The following LRRIQ1 variants were observed in gnomAD, a reference collection of about 807,000 sequenced individuals.
The protein encoded by LRRIQ1 is leucine rich repeats and IQ motif containing 1.
A neutral mutation model predicts 211.9 loss-of-function variants in LRRIQ1; 210 were observed. The observed-to-expected ratio is 0.99, with a 90% confidence interval of 0.89 to 1.11. The LOEUF is 1.11. Among genes scored for constraint, LRRIQ1 ranks in the 50% most tolerant of loss-of-function variants. The pLI is 0.00. For synonymous variants in LRRIQ1, 699 were observed against 650.1 expected (o/e 1.08, Z -1.14); for missense variants, 2,136 against 1,939.5 (o/e 1.10, Z -1.90).
At chr12:85,102,956 A>T (rs1043444228) in intron 13 of LRRIQ1, among the ~76,000 whole-genome samples, 3 of 123,438 alleles carry the variant, frequency 2.4e-5, no homozygotes, top group Non-Finnish European at 3.4e-5. Flanking sequence ...AAAAAAAAAA[A>T]AAAATATATA....
intron 11 of LRRIQ1, among the ~76,000 whole-genome samples, chr12:85,080,235 A>AT (rs1399791911): frequency 1.3e-5 from 2 of 151,368 alleles, no homozygotes; most frequent in Admixed American, 6.6e-5. Flanking sequence ...CATTTTTGAG[A>AT]TTTTTTTCTT....
chr12:85,266,464 C>T (rs1347484323), downstream of LRRIQ1, among the ~76,000 whole-genome samples: 1 of 152,092 alleles, frequency 6.6e-6, no homozygotes, highest in African/African-American at 2.4e-5. Context: ...TCCTGACAAC[C>T]ACTCACACTT....
At chr12:85,084,602 C>A (rs1170156166) in intron 11 of LRRIQ1, among the ~76,000 whole-genome samples, 1 of 152,060 alleles carries the variant, frequency 6.6e-6, no homozygotes, top group Non-Finnish European at 1.5e-5. Context: ...TTTTACACTA[C>A]TGAAACAGAA....
rs761217598 is a variant in LRRIQ1, at chr12:85,102,944, CAAAA to C, written c.3210-1047_3210-1044del. On this transcript the variant is annotated intron_variant, in intron 13 of 26. Transcript: ENST00000393217. ...ATTCAGAAGGCTTTTCTAATTGTGG[CAAAA>C]AAAAAAAAAAAATATATATATATAT... Among the ~76,000 whole-genome samples, 76 of 87,712 alleles carry C rather than the reference CAAAA, an allele frequency of 8.7e-4. 1 individual carries two copies. Among genetic ancestry groups the C allele is most frequent in the South Asian group, 1.4e-3 (3 of 2,092 alleles). 57.5% of individuals were successfully genotyped at this position (87,712 alleles called of 152,430 possible). A position where few individuals can be genotyped will look rare whatever the true frequency, so the allele number is the denominator to read the frequency against.
chr12:85,056,847 A>T lies in LRRIQ1; in HGVS notation c.2054A>T (p.Glu685Val), dbSNP rs1339646797. 1 of 1,613,280 alleles carries T rather than the reference A, an allele frequency of 6.2e-7. No individual in the cohort carries two copies. ...GTGTTAGGTAGACATGCTCCTTGTG[A>T]GGGCTTGAGTAACTATAATGCAGAA... ...DYVLGRHAPC[E>V]GLSNYNAESS... The change falls in exon 8 of 27, where the codon GAG becomes GTG. Residue 685 changes from glutamate to valine, a missense_variant. Physicochemically the swap from Glu to Val is moderately radical, Grantham distance 121. Transcript: ENST00000393217.
intron 24 of LRRIQ1, among the ~76,000 whole-genome samples, chr12:85,208,648 A>G (rs1179506154): frequency 2.6e-5 from 4 of 152,212 alleles, no homozygotes; most frequent in Admixed American, 1.3e-4. Context: ...TTAGAAAACT[A>G]AAAAAATAGT....
intron 10 of LRRIQ1, 136 bp from the exon 11 acceptor site, chr12:85,072,771 C>A: frequency 2.2e-6 from 1 of 452,598 alleles, no homozygotes; most frequent in Admixed American, 4.3e-5. Context: ...CAAGTTTAGA[C>A]ATTTATTTTT....
chr12:85,084,304 TGAA>T (rs1884597040), intron 11 of LRRIQ1, among the ~76,000 whole-genome samples: 2 of 152,122 alleles, frequency 1.3e-5, no homozygotes, highest in African/African-American at 4.8e-5. Flanking sequence ...TGCTCATATA[TGAA>T]GGAGACATAG....
intron 24 of LRRIQ1, among the ~76,000 whole-genome samples, chr12:85,229,229 T>C (rs576542922): frequency 6.6e-6 from 1 of 152,134 alleles, no homozygotes; most frequent in Non-Finnish European, 1.5e-5. Context: ...TACCAAAAAA[T>C]AACTCTCTGA....
chr12:85,264,125 A>C (rs1030345112), exon 2 of LRRIQ1: 1 of 152,088 alleles, frequency 6.6e-6, no homozygotes, highest in African/African-American at 2.4e-5. Flanking sequence ...AGTGATGTAG[A>C]GATACTTGTA....
rs1289355147 is a variant in LRRIQ1 at position 85,036,396 on chromosome 12, C to T, written c.-36C>T. 6.6e-6 allele frequency: 1 copy of T among 152,196 alleles called. No homozygotes were observed. The highest frequency in any genetic ancestry group is 2.4e-5 in the African/African-American group (1 of 41,422). 9.4% of individuals were successfully genotyped at this position (152,196 alleles called of 1,614,324 possible). ...GTCTTACAACAAAGCCAAGGAATCTCGCTGCTGAGGGGTGAGCCGGGGTCT... is the reference window on the plus strand; with the variant it reads ...GTCTTACAACAAAGCCAAGGAATCTTGCTGCTGAGGGGTGAGCCGGGGTCT... On this transcript the variant is annotated 5_prime_UTR_variant, in exon 1 of 27. Transcript: ENST00000393217.
intron 24 of LRRIQ1, among the ~76,000 whole-genome samples, chr12:85,200,360 GC>G (rs1893228477): frequency 6.6e-6 from 1 of 152,092 alleles, no homozygotes; most frequent in African/African-American, 2.4e-5. Flanking sequence ...AGATCAAGGA[GC>G]TTTTGGGCGA....
chr12:85,096,344 G>A (rs1338771070), intron 11 of LRRIQ1, among the ~76,000 whole-genome samples: 1 of 152,086 alleles, frequency 6.6e-6, no homozygotes, highest in South Asian at 2.1e-4. Flanking sequence ...GTTTCCCAGA[G>A]ATTTTGGTAT....
intron 18 of LRRIQ1, among the ~76,000 whole-genome samples, chr12:85,130,996 G>A (rs1038545819): frequency 6.6e-6 from 1 of 151,256 alleles, no homozygotes; most frequent in South Asian, 2.1e-4. Flanking sequence ...GATCACTTGA[G>A]GTCCAGAGTT....
intron 24 of LRRIQ1, among the ~76,000 whole-genome samples, chr12:85,178,423 C>T (rs1182327515): frequency 6.6e-6 from 1 of 152,016 alleles, no homozygotes; most frequent in African/African-American, 2.4e-5. Context: ...TATGCCCCAC[C>T]TTTAGTTATT....
chr12:85,052,149 G>T, intron 6 of LRRIQ1, 28 bp from the exon 7 acceptor site: 1 of 1,158,286 alleles, frequency 8.6e-7, no homozygotes, highest in Non-Finnish European at 1.2e-6. Context: ...TTTGAGTATA[G>T]TCATATTTAT....
intron 6 of LRRIQ1, among the ~76,000 whole-genome samples, chr12:85,051,737 G>A (rs1380473649): frequency 6.6e-6 from 1 of 152,064 alleles, no homozygotes; most frequent in African/African-American, 2.4e-5. Context: ...TTATTCTGAG[G>A]AGTCTTATCG....
chr12:85,071,447 T>G lies in LRRIQ1; in HGVS notation c.2696-1460T>G, dbSNP rs74111259. 9.3e-3 allele frequency among the ~76,000 whole-genome samples: 1,417 copies of G among 152,134 alleles called. 29 individuals carry two copies. The highest frequency in any genetic ancestry group is 0.032 in the African/African-American group (1,311 of 41,548). Reference sequence around the variant, plus strand: ...CCTATTTTTGCCTTGCTGATGGATATTGAATGGTTTCCAATCTTCCATATT... The same window carrying G: ...CCTATTTTTGCCTTGCTGATGGATAGTGAATGGTTTCCAATCTTCCATATT... On this transcript the variant is annotated intron_variant, in intron 10 of 26. Coordinates refer to ENST00000393217, the MANE Select transcript of LRRIQ1 (RefSeq NM_001079910.2).
chr12:85,229,714 G>T, intron 25 of LRRIQ1, 65 bp downstream of exon 25: 2 of 1,513,962 alleles, frequency 1.3e-6, no homozygotes, highest in South Asian at 1.2e-5. Context: ...TGAAACCTAG[G>T]TTAATTGTGC....
Sources: allele counts gnomAD v4.1 joint callset (sites outside exome capture counted in the v4.1 genomes callset), GRCh38; gene constraint gnomAD v4.1.1; transcripts MANE v1.5; gene names NCBI Gene and HGNC (gene_info 2026-07-23, HGNC 2026-07-21).